The following PATJ variants were observed in gnomAD, a reference collection of about 807,000 sequenced individuals.
PATJ encodes inaD-like protein.
PATJ carries 190 observed loss-of-function variants against 224.9 expected under a neutral mutation model. That is an observed-to-expected ratio of 0.84 (90% CI 0.75 to 0.95). The LOEUF (loss-of-function observed/expected upper bound fraction) is 0.95, where lower values mean the gene tolerates loss of function less well. Among genes scored for constraint, PATJ ranks in the 40% least tolerant of loss-of-function variants. The probability of loss-of-function intolerance (pLI) is 0.00; values close to 1 mark genes in which losing one functional copy is unlikely to be tolerated. For synonymous variants in PATJ, 769 were observed against 820.3 expected, an observed-to-expected ratio of 0.94 and a Z score of 1.07; for missense variants, 2,121 against 2,270.3, an observed-to-expected ratio of 0.93 and a Z score of 1.34.
chr1:62,151,891 AT>A (rs1181904509), intron 42 of PATJ, among the ~76,000 whole-genome samples: 17 of 152,242 alleles, frequency 1.1e-4, no homozygotes, highest in Non-Finnish European at 1.6e-4. Flanking sequence ...CTAAACTTAG[AT>A]TAAGATTAAA....
intron 26 of PATJ, among the ~76,000 whole-genome samples, chr1:61,926,964 T>C (rs530036926): frequency 6.6e-6 from 1 of 152,308 alleles, no homozygotes; most frequent in South Asian, 2.1e-4. Flanking sequence ...CGGCTCCTAT[T>C]CTTTTTAGCA....
intron 27 of PATJ, among the ~76,000 whole-genome samples, chr1:61,945,654 AC>A (rs202068949): frequency 0.01 from 1,533 of 151,854 alleles, 21 homozygotes; most frequent in Non-Finnish European, 0.016. Flanking sequence ...CCCACTGTCA[AC>A]ATTAGACAGA....
At chr1:62,020,358 T>A (rs1647011628) in intron 29 of PATJ, among the ~76,000 whole-genome samples, 1 of 152,192 alleles carries the variant, frequency 6.6e-6, no homozygotes, top group Admixed American at 6.5e-5. Context: ...AGTACGTACC[T>A]CTTCAGCATT....
At chr1:62,114,920 A>G (rs901151574) in intron 35 of PATJ, 3 of 152,142 alleles carry the variant, frequency 2.0e-5, no homozygotes, top group Admixed American at 1.3e-4. Flanking sequence ...TAAAAAAAAA[A>G]AAAAGAAAAG....
At chr1:62,022,792 C>A (rs2148418113) in intron 29 of PATJ, among the ~76,000 whole-genome samples, 1 of 152,294 alleles carries the variant, frequency 6.6e-6, no homozygotes, top group Non-Finnish European at 1.5e-5. Context: ...GCTGTCAAGC[C>A]CCACTGAGTA....
intron 14 of PATJ, among the ~76,000 whole-genome samples, chr1:61,820,621 T>A (rs978126990): frequency 1.3e-5 from 2 of 152,152 alleles, no homozygotes; most frequent in Non-Finnish European, 2.9e-5. Context: ...GGATTAAAGG[T>A]GTGAGCTACC....
intron 13 of PATJ, among the ~76,000 whole-genome samples, chr1:61,807,363 G>C (rs994298362): frequency 3.9e-5 from 6 of 152,008 alleles, no homozygotes; most frequent in Non-Finnish European, 7.4e-5. Flanking sequence ...TTTTTTTAGA[G>C]ATGGTGTCTC....
chr1:62,069,958 A>G (rs1336164577), intron 31 of PATJ, among the ~76,000 whole-genome samples: 1 of 152,232 alleles, frequency 6.6e-6, no homozygotes, highest in Admixed American at 6.5e-5. Flanking sequence ...AACCCAGATT[A>G]TCTGGCTGTT....
At chr1:61,984,744 T>G (rs77622904) in intron 27 of PATJ, among the ~76,000 whole-genome samples, 3,511 of 152,092 alleles carry the variant, frequency 0.023, 113 homozygotes, top group African/African-American at 0.057. Flanking sequence ...TTCAGTATAT[T>G]TGCAGATATT....
At chr1:62,070,934 TAACAATGAACAGCTGGGCATAAC>T (rs1461259851) in intron 31 of PATJ, among the ~76,000 whole-genome samples, 2 of 152,152 alleles carry the variant, frequency 1.3e-5, no homozygotes, top group Non-Finnish European at 2.9e-5. Flanking sequence ...CTGAATCTAA[TAACAATGAACAGCTGGGCATAAC>T]TTGGTCACTA....
intron 22 of PATJ, among the ~76,000 whole-genome samples, chr1:61,896,053 T>G (rs1670321866): frequency 6.6e-6 from 1 of 152,104 alleles, no homozygotes; most frequent in Non-Finnish European, 1.5e-5. Context: ...TCCCAGCACT[T>G]TGGGAGGCTG....
intron 29 of PATJ, among the ~76,000 whole-genome samples, chr1:62,025,098 A>C (rs1647601267): frequency 6.6e-6 from 1 of 152,230 alleles, no homozygotes; most frequent in Non-Finnish European, 1.5e-5. Flanking sequence ...TTACTGTCAA[A>C]GAATCTTAAT....
intron 22 of PATJ, among the ~76,000 whole-genome samples, chr1:61,889,270 C>T (rs979421726): frequency 2.0e-5 from 3 of 152,210 alleles, no homozygotes; most frequent in Non-Finnish European, 4.4e-5. Context: ...GTTTTATCTA[C>T]AGTGCACTTT....
intron 27 of PATJ, among the ~76,000 whole-genome samples, chr1:61,980,293 TAAAA>T (rs1330230706): frequency 6.6e-6 from 1 of 151,830 alleles, no homozygotes; most frequent in East Asian, 1.9e-4. Context: ...TCAAAAAAAA[TAAAA>T]AATAAATAAA....
At chr1:61,789,303 T>TA (rs1277419590) in intron 8 of PATJ, among the ~76,000 whole-genome samples, 1 of 148,168 alleles carries the variant, frequency 6.7e-6, no homozygotes, top group Non-Finnish European at 1.5e-5. Flanking sequence ...AAGACTCTAT[T>TA]AAAAAAATAA....
chr1:61,771,459 A>G lies in PATJ; in HGVS notation c.553A>G (p.Ile185Val), dbSNP rs757957591. ...RDQRLKENDQILAINHTPLDQ... is the reference protein window; with the variant it reads ...RDQRLKENDQVLAINHTPLDQ... The stretch of plus-strand genomic sequence containing the variant: ...TCAAAGATTAAAGGAAAATGATCAA[A>G]TATTGGCCATTAATCACACGCCATT... The change falls in exon 6 of 44, where the codon ATA (isoleucine) becomes GTA (valine). Residue 185 changes from isoleucine to valine, a missense_variant. Physicochemically the swap from Ile to Val is conservative, Grantham distance 29. Coordinates refer to ENST00000642238, the MANE Select transcript of PATJ (RefSeq NM_001350145.3). 1 of 1,601,884 alleles carries G rather than the reference A, an allele frequency of 6.2e-7. No homozygotes were observed. Among genetic ancestry groups the G allele is most frequent in the South Asian group, 1.1e-5 (1 of 87,894 alleles).
rs1644985903 is a variant in PATJ at position 61,745,672 on chromosome 1, T to C, written c.-36+3117T>C. Among the ~76,000 whole-genome samples the C allele has an allele frequency of 2.0e-5, 3 of 151,430 alleles. No homozygotes were observed. In the South Asian group the frequency reaches 6.3e-4, roughly 32 times the overall value. On this transcript the variant is annotated intron_variant, in intron 1 of 43. Coordinates refer to ENST00000642238, the MANE Select transcript of PATJ (RefSeq NM_001350145.3). ...AGGCTGGAGTGCAATGGCGCTGTCT[T>C]GGCTCACTACAACCTCTGCCTCCCA...
intron 33 of PATJ, among the ~76,000 whole-genome samples, chr1:62,087,087 A>G (rs1660099624): frequency 6.6e-6 from 1 of 152,094 alleles, no homozygotes; most frequent in Non-Finnish European, 1.5e-5. Flanking sequence ...GCACTCGGTG[A>G]GTCCCAAGCT....
At chr1:62,160,876 C>T (rs778502472) in intron 43 of PATJ, 32 bp from the exon 44 acceptor site, 3 of 1,610,416 alleles carry the variant, frequency 1.9e-6, no homozygotes, top group African/African-American at 2.7e-5. Context: ...GTGTTTTACC[C>T]TGGATTAAAC....
Sources: allele counts gnomAD v4.1 joint callset (sites outside exome capture counted in the v4.1 genomes callset), GRCh38; gene constraint gnomAD v4.1.1; transcripts MANE v1.5; gene names NCBI Gene and HGNC (gene_info 2026-07-23, HGNC 2026-07-21).